AP2A2: variants seen among roughly 807,000 people sequenced by gnomAD.
AP2A2 encodes adaptor related protein complex 2 subunit alpha 2.
AP2A2 carries 32 observed loss-of-function variants against 104.2 expected under a neutral mutation model. The ratio of observed to expected loss-of-function variants is 0.31; its 90% CI spans 0.23 to 0.41. The LOEUF (loss-of-function observed/expected upper bound fraction) is 0.41. Ranked by LOEUF, AP2A2 falls within the 10% of genes least tolerant of loss-of-function variation. The pLI, the probability that AP2A2 is intolerant of heterozygous loss-of-function variation, is 1.00. For synonymous variants in AP2A2, 539 were observed against 533.3 expected, an observed-to-expected ratio of 1.01 and a Z score of -0.15; for missense variants, 912 against 1,261.0, an observed-to-expected ratio of 0.72 and a Z score of 4.19.
At position 993,751 on chromosome 11, in the gene AP2A2, C is replaced by CA; in HGVS notation, c.1551-2dup. On this transcript the variant is annotated splice_polypyrimidine_tract_variant and splice_region_variant and intron_variant, in intron 12 of 21. Transcript: ENST00000448903. The surrounding 1 kb of genome is among the most constrained non-coding windows in gnomAD (Gnocchi z 8.2). The stretch of plus-strand genomic sequence containing the variant: ...TCCCTGTGTTGTGCCTCCCCGTCCC[C>CA]AGCCCGCTGATCCAGTTCCACCTGC... 2 of 1,584,842 alleles carry CA rather than the reference C, an allele frequency of 1.3e-6. No individual in the cohort carries two copies. Among genetic ancestry groups the CA allele is most frequent in the Non-Finnish European group, 1.7e-6 (2 of 1,168,702 alleles).
chr11:929,954 T>A (rs927778493), intron 1 of AP2A2, among the ~76,000 whole-genome samples: 1 of 151,666 alleles, frequency 6.6e-6, no homozygotes, highest in Non-Finnish European at 1.5e-5. Flanking sequence ...AAACACTGTT[T>A]CCACAAAAAT....
At chr11:945,063 G>A (rs1853786482) in intron 1 of AP2A2, among the ~76,000 whole-genome samples, 1 of 152,114 alleles carries the variant, frequency 6.6e-6, no homozygotes, top group Admixed American at 6.6e-5. Flanking sequence ...GGAATGCAGG[G>A]GTGATGCTTG....
chr11:946,132 A>G (rs971271034), intron 1 of AP2A2, among the ~76,000 whole-genome samples: 3 of 152,198 alleles, frequency 2.0e-5, no homozygotes, highest in South Asian at 2.1e-4. Context: ...CAGAACGCGA[A>G]ATTAACCAAC....
intron 1 of AP2A2, among the ~76,000 whole-genome samples, chr11:957,394 T>A (rs934946589): frequency 4.1e-4 from 62 of 152,328 alleles, no homozygotes; most frequent in African/African-American, 1.5e-3. Context: ...CAGCAGGGCC[T>A]GTCTGTGCAG....
In AP2A2 at chr11:968,774, TA is replaced by T. The variant is rs1477698480; in HGVS notation, c.137-1393del. ...GGACCCCTTGGGCACAGCAAGCAGA[TA>T]AGTGGGTCGGGGCCGGGGGAGGGAG... On this transcript the variant is annotated intron_variant, in intron 2 of 21. Transcript: ENST00000448903. The surrounding 1 kb of genome is among the most constrained non-coding windows in gnomAD (Gnocchi z 4.2). Among the ~76,000 whole-genome samples, 1 of 147,078 alleles carries T rather than the reference TA, an allele frequency of 6.8e-6. No individual in the cohort carries two copies. Among genetic ancestry groups the T allele is most frequent in the Non-Finnish European group, 1.5e-5 (1 of 66,672 alleles).
chr11:954,362 G>T (rs1854158097), intron 1 of AP2A2, among the ~76,000 whole-genome samples: 1 of 152,132 alleles, frequency 6.6e-6, no homozygotes, highest in African/African-American at 2.4e-5. Context: ...AAGTGTGTGT[G>T]TATGCGTATA....
At chr11:981,988 C>T (rs7396199) in intron 6 of AP2A2, among the ~76,000 whole-genome samples, 4 of 152,284 alleles carry the variant, frequency 2.6e-5, no homozygotes, top group Admixed American at 6.5e-5. Flanking sequence ...GGGCGCGGCA[C>T]GCGTAGTGCT....
chr11:928,246 T>C (rs1193177648), intron 1 of AP2A2, among the ~76,000 whole-genome samples: 1 of 152,244 alleles, frequency 6.6e-6, no homozygotes, highest in Non-Finnish European at 1.5e-5. Flanking sequence ...AATAAGATAT[T>C]TAAAGAGACC....
intron 1 of AP2A2, chr11:942,338 T>A (rs2134487806): frequency 6.6e-6 from 1 of 152,354 alleles, no homozygotes; most frequent in Non-Finnish European, 1.5e-5. Context: ...TTATTCCTTG[T>A]CTGAAGTAAG....
chr11:957,793 A>T (rs1466854810), intron 1 of AP2A2, among the ~76,000 whole-genome samples: 1 of 152,168 alleles, frequency 6.6e-6, no homozygotes, highest in East Asian at 1.9e-4. Context: ...TGCTTTCCTT[A>T]CACAGCACAT....
At chr11:1,005,855 G>C (rs1185085279) in intron 16 of AP2A2, among the ~76,000 whole-genome samples, 2 of 152,228 alleles carry the variant, frequency 1.3e-5, no homozygotes, top group Admixed American at 6.5e-5. Flanking sequence ...ATTGTGGGAG[G>C]AGTGATGCCA....
At chr11:928,714 C>A (rs573736587) in intron 1 of AP2A2, among the ~76,000 whole-genome samples, 18 of 152,370 alleles carry the variant, frequency 1.2e-4, no homozygotes, top group African/African-American at 4.3e-4. Flanking sequence ...CAGCCCCTCC[C>A]CTGAAGGAGC....
intron 4 of AP2A2, among the ~76,000 whole-genome samples, chr11:973,198 A>G (rs1854893734): frequency 6.6e-6 from 1 of 152,224 alleles, no homozygotes; most frequent in Admixed American, 6.5e-5. Context: ...GGAAGGCATG[A>G]GAGAAACAGG....
intron 1 of AP2A2, among the ~76,000 whole-genome samples, chr11:930,772 G>A (rs141616641): frequency 0.028 from 4,223 of 152,190 alleles, 199 homozygotes; most frequent in African/African-American, 0.094. Flanking sequence ...CACCGGCCTC[G>A]GCCTCCCAAA....
chr11:938,021 A>G (rs1199264124), intron 1 of AP2A2, among the ~76,000 whole-genome samples: 1 of 152,194 alleles, frequency 6.6e-6, no homozygotes, highest in African/African-American at 2.4e-5. Context: ...TTCTGCCTGG[A>G]GGGAGCAGTC....
rs753102622 is a variant in AP2A2, at chr11:981,366, A to G, written c.705+67A>G. The stretch of plus-strand genomic sequence containing the variant: ...GTCTTAGTTATTTATTTATTAGCTT[A>G]TTTGTAGAATGCAAGGTATTTGATC... On this transcript the variant is annotated intron_variant, in intron 6 of 21. Transcript: ENST00000448903. 13 of 1,278,804 alleles carry G rather than the reference A, an allele frequency of 1.0e-5. No homozygotes were observed. In the South Asian group the frequency reaches 1.6e-4, roughly 15 times the overall value. 79.2% of individuals were successfully genotyped at this position (1,278,804 alleles called of 1,614,324 possible).
At chr11:937,391 G>A (rs953436043) in intron 1 of AP2A2, among the ~76,000 whole-genome samples, 3 of 152,116 alleles carry the variant, frequency 2.0e-5, no homozygotes, top group Admixed American at 2.0e-4. Context: ...AGTGCCGTGA[G>A]CGCATGTCAG....
chr11:985,320 A>G, intron 7 of AP2A2, 115 bp from the exon 8 acceptor site: 1 of 1,349,944 alleles, frequency 7.4e-7, no homozygotes. Context: ...TGGGTACACA[A>G]ATGTGAATGA....
intron 4 of AP2A2, 99 bp from the exon 5 acceptor site, chr11:976,996 C>A: frequency 6.5e-7 from 1 of 1,529,066 alleles, no homozygotes; most frequent in Non-Finnish European, 8.8e-7. Flanking sequence ...CCTGCGCCAG[C>A]CCCACCCCCG....
Sources: allele counts gnomAD v4.1 joint callset (sites outside exome capture counted in the v4.1 genomes callset), GRCh38; gene constraint gnomAD v4.1.1; non-coding constraint Gnocchi (gnomAD v3.1); transcripts MANE v1.5; gene names NCBI Gene and HGNC (gene_info 2026-07-23, HGNC 2026-07-21).